Variants in NELL1 observed in about 807,000 individuals in gnomAD.
The protein encoded by NELL1 is protein kinase C-binding protein NELL1.
A neutral mutation model predicts 107.4 loss-of-function variants in NELL1; 76 were observed. The ratio of observed to expected loss-of-function variants is 0.71; its 90% CI spans 0.59 to 0.86. The LOEUF (loss-of-function observed/expected upper bound fraction) is 0.86. Among genes scored for constraint, NELL1 ranks in the 40% least tolerant of loss-of-function variants. NELL1 has a pLI of 0.00. For synonymous variants in NELL1, 353 were observed against 341.2 expected (o/e 1.03, Z -0.38); for missense variants, 1,024 against 1,005.5 (o/e 1.02, Z -0.25).
chr11:20,677,724 G>A (rs988960300), intron 1 of NELL1, among the ~76,000 whole-genome samples: 6 of 152,132 alleles, frequency 3.9e-5, no homozygotes, highest in African/African-American at 1.4e-4. Flanking sequence ...CATAATTGGG[G>A]GTGGGGTTGG....
chr11:21,264,964 G>T (rs1446380033), intron 14 of NELL1, among the ~76,000 whole-genome samples: 2 of 151,928 alleles, frequency 1.3e-5, no homozygotes, highest in African/African-American at 4.8e-5. Flanking sequence ...TCCTAGATAG[G>T]GAGAAAGATA....
At chr11:21,391,895 C>T (rs914705670) in intron 15 of NELL1, among the ~76,000 whole-genome samples, 5 of 151,730 alleles carry the variant, frequency 3.3e-5, no homozygotes, top group African/African-American at 1.2e-4. Flanking sequence ...CTCAGTTTAC[C>T]TATGTGGGAT....
At chr11:20,863,206 G>A (rs1202667690) in intron 4 of NELL1, among the ~76,000 whole-genome samples, 1 of 138,886 alleles carries the variant, frequency 7.2e-6, no homozygotes, top group Non-Finnish European at 1.5e-5. Flanking sequence ...CCTCCCGGAC[G>A]GGGCCGCAGC....
intron 12 of NELL1, among the ~76,000 whole-genome samples, chr11:21,058,429 C>G (rs1052891685): frequency 6.6e-6 from 1 of 152,094 alleles, no homozygotes; most frequent in Non-Finnish European, 1.5e-5. Flanking sequence ...TAAATTAAAT[C>G]GTTGTTCTCC....
chr11:20,895,708 G>C (rs1849721859), intron 5 of NELL1, among the ~76,000 whole-genome samples: 1 of 151,534 alleles, frequency 6.6e-6, no homozygotes, highest in African/African-American at 2.4e-5. Context: ...GGGTTTCACT[G>C]TCTTGGCCAG....
intron 15 of NELL1, among the ~76,000 whole-genome samples, chr11:21,431,261 A>G (rs1040400729): frequency 6.6e-6 from 1 of 152,128 alleles, no homozygotes; most frequent in African/African-American, 2.4e-5. Flanking sequence ...ACCTCATCCC[A>G]GACACCCACG....
intron 2 of NELL1, among the ~76,000 whole-genome samples, chr11:20,767,454 G>A (rs758453613): frequency 4.6e-5 from 7 of 152,130 alleles, no homozygotes; most frequent in Non-Finnish European, 8.8e-5. Context: ...CACTGATTGG[G>A]ACGTTTTTAC....
intron 5 of NELL1, among the ~76,000 whole-genome samples, chr11:20,887,350 G>A (rs1849530416): frequency 1.3e-5 from 2 of 152,158 alleles, no homozygotes; most frequent in South Asian, 4.1e-4. Context: ...TTTCACTTAG[G>A]TAAGTGTGTA....
At chr11:21,387,195 A>G (rs1431150221) in intron 15 of NELL1, among the ~76,000 whole-genome samples, 2 of 151,906 alleles carry the variant, frequency 1.3e-5, no homozygotes, top group African/African-American at 4.8e-5. Flanking sequence ...TTTAAATGTC[A>G]CTCATTAGTA....
chr11:20,942,312 T>A (rs1850872231), intron 10 of NELL1, among the ~76,000 whole-genome samples: 1 of 152,192 alleles, frequency 6.6e-6, no homozygotes, highest in South Asian at 2.1e-4. Context: ...AGAGATTCCA[T>A]GAGTCCAGGT....
chr11:21,174,948 G>A (rs74825155), intron 13 of NELL1, among the ~76,000 whole-genome samples: 2,696 of 151,650 alleles, frequency 0.018, 140 homozygotes, highest in African/African-American at 0.061. Flanking sequence ...CTAAATTTCT[G>A]TACCTTAATT....
intron 15 of NELL1, among the ~76,000 whole-genome samples, chr11:21,433,726 A>T (rs1424902052): frequency 1.3e-5 from 2 of 152,006 alleles, no homozygotes; most frequent in Non-Finnish European, 2.9e-5. Context: ...CCCAGGCTGG[A>T]GTGCAATGGC....
At position 21,023,045 on chromosome 11, in the gene NELL1, G is replaced by C. The variant is rs142712584; in HGVS notation, c.1300+62485G>C. On this transcript the variant is annotated intron_variant, in intron 12 of 19. Transcript: ENST00000357134. ...GGTTCCCTCGAAGGGCCTGCATCTG[G>C]GAAGAATACTCACTGAAATTTTCTA... 5.7e-4 allele frequency among the ~76,000 whole-genome samples: 86 copies of C among 152,050 alleles called. 1 individual carries two copies. The East Asian group carries it at 0.015, about 26-fold the overall frequency.
At chr11:20,810,853 GT>G (rs202026980) in intron 3 of NELL1, among the ~76,000 whole-genome samples, 12 of 148,148 alleles carry the variant, frequency 8.1e-5, no homozygotes, top group East Asian at 4.0e-4. Flanking sequence ...AAGTAACTGG[GT>G]TTTTTTTTTA....
At chr11:20,895,618 G>T (rs560685054) in intron 5 of NELL1, among the ~76,000 whole-genome samples, 1 of 144,582 alleles carries the variant, frequency 6.9e-6, no homozygotes, top group East Asian at 2.1e-4. Flanking sequence ...GCATTTCTCT[G>T]CCTCAGCCTC....
intron 13 of NELL1, among the ~76,000 whole-genome samples, chr11:21,220,373 C>CT (rs1565117017): frequency 6.6e-6 from 1 of 151,954 alleles, no homozygotes; most frequent in Non-Finnish European, 1.5e-5. Context: ...AAGTTTTAGG[C>CT]TTTTTTTCTA....
chr11:20,892,342 A>G (rs1471809102), intron 5 of NELL1, among the ~76,000 whole-genome samples: 1 of 152,200 alleles, frequency 6.6e-6, no homozygotes, highest in Non-Finnish European at 1.5e-5. Context: ...AATGTACCAG[A>G]ACTGATTATC....
At chr11:20,884,977 A>G (rs991611280) in intron 4 of NELL1, among the ~76,000 whole-genome samples, 13 of 152,352 alleles carry the variant, frequency 8.5e-5, no homozygotes, top group African/African-American at 3.1e-4. Context: ...TGCAGAAATG[A>G]GTAGGACCTA....
chr11:21,458,163 T>G (rs1415281660), intron 15 of NELL1, among the ~76,000 whole-genome samples: 1 of 152,154 alleles, frequency 6.6e-6, no homozygotes, highest in Non-Finnish European at 1.5e-5. Flanking sequence ...ATTTTTAGCC[T>G]CCTTGTAAGA....
Sources: gnomAD v4.1 joint callset for allele counts (sites outside exome capture counted in the v4.1 genomes callset) on GRCh38, gnomAD v4.1.1 for gene constraint, MANE v1.5 for transcripts, NCBI Gene and HGNC (gene_info 2026-07-23, HGNC 2026-07-21) for gene names.